Variants in TRMT1 observed in about 807,000 individuals in gnomAD.
TRMT1 encodes tRNA methyltransferase 1.
A neutral mutation model predicts 75.4 loss-of-function variants in TRMT1; 63 were observed. The ratio of observed to expected loss-of-function variants is 0.84; its 90% CI spans 0.68 to 1.03. The LOEUF (loss-of-function observed/expected upper bound fraction) is 1.03, where lower values mean the gene tolerates loss of function less well. TRMT1 is among the 50% of genes least tolerant of loss of function. The pLI is 0.00. For synonymous variants in TRMT1, 382 were observed against 358.1 expected (o/e 1.07, Z -0.75); for missense variants, 870 against 905.3 (o/e 0.96, Z 0.50).
rs911146601 is a variant in TRMT1, at chr19:13,105,624, G to A, written c.1584-18C>T. 6.2e-7 allele frequency: 1 copy of A among 1,605,660 alleles called. No homozygotes were observed. Among genetic ancestry groups the A allele is most frequent in the African/African-American group, 1.3e-5 (1 of 74,940 alleles). ...CCTGCAGCCTAGGGAAGCAGGGGTG[G>A]GGCGTTGGGGCTGGGGGAAGCTGCC... On this transcript the variant is annotated intron_variant, in intron 14 of 16. Transcript: ENST00000357720.
chr19:13,115,584 C>T lies in TRMT1; in HGVS notation c.453+42G>A, dbSNP rs200306604. Reference sequence around the variant, plus strand: ...CCCCCTCCAGGAGCCCTCTGTCTCCCGCTAAATTCCAGGGCTGCCAGCTCC... The same window carrying T: ...CCCCCTCCAGGAGCCCTCTGTCTCCTGCTAAATTCCAGGGCTGCCAGCTCC... On this transcript the variant is annotated intron_variant, in intron 4 of 16. Coordinates refer to ENST00000357720, the MANE Select transcript of TRMT1 (RefSeq NM_001136035.4). The T allele has an allele frequency of 1.0e-4, 166 of 1,611,466 alleles. 1 individual carries two copies. In the African/African-American group the frequency reaches 2.0e-3, roughly 19 times the overall value.
intron 1 of TRMT1, 45 bp downstream of exon 1, chr19:13,116,608 G>A: frequency 1.5e-6 from 1 of 688,434 alleles, no homozygotes; most frequent in South Asian, 2.0e-5. Flanking sequence ...GTGCAGGCCC[G>A]CCCCGAGTCC....
rs2145601695 is a variant in TRMT1 at position 13,116,278 on chromosome 19, G to A, written c.122C>T (p.Thr41Ile). 3 of 1,614,168 alleles carry A rather than the reference G, an allele frequency of 1.9e-6. No individual in the cohort carries two copies. Among genetic ancestry groups the A allele is most frequent in the Non-Finnish European group, 2.5e-6 (3 of 1,180,046 alleles). The change falls in exon 2 of 17, where the codon ACC becomes ATC. Residue 41 changes from threonine to isoleucine, a missense_variant. Thr to Ile is a moderately conservative substitution (Grantham distance 89, BLOSUM62 -1). Coordinates refer to ENST00000357720, the MANE Select transcript of TRMT1 (RefSeq NM_001136035.4). Reference protein sequence around the residue: ...LPNTAAMENGTGPYGEERPRE... With the variant: ...LPNTAAMENGIGPYGEERPRE... The stretch of plus-strand genomic sequence containing the variant: ...TGGACGTTCTTCTCCGTAGGGCCCG[G>A]TGCCGTTCTCCATCGCTGCTGTATT...
chr19:13,111,868 T>A (rs1449063300), intron 7 of TRMT1, among the ~76,000 whole-genome samples: 1 of 150,282 alleles, frequency 6.7e-6, no homozygotes, highest in Non-Finnish European at 1.5e-5. Context: ...CCTGGCTAAG[T>A]TTTTGTATGT....
chr19:13,112,644 A>C, intron 7 of TRMT1, 61 bp downstream of exon 7: 1 of 1,507,732 alleles, frequency 6.6e-7, no homozygotes, highest in Non-Finnish European at 9.1e-7. Flanking sequence ...TGTATTGGGA[A>C]GGGACTCAGA....
intron 14 of TRMT1, among the ~76,000 whole-genome samples, chr19:13,105,965 G>A (rs536143064): frequency 2.6e-5 from 4 of 152,256 alleles, no homozygotes; most frequent in South Asian, 2.1e-4. Flanking sequence ...GGGACGCTGA[G>A]GCAGGAGAAT....
rs2019031402 is a variant in TRMT1 at position 13,109,416 on chromosome 19, G to A, written c.1362C>T (p.Thr454=). 6.2e-7 allele frequency: 1 copy of A among 1,613,178 alleles called. No individual in the cohort carries two copies. Among genetic ancestry groups the A allele is most frequent in the African/African-American group, 1.3e-5 (1 of 74,844 alleles). ...GGAGGCTTGGTGTGTTGCAGTGGAT[G>A]GTGCTGCTCAGCTGGTCCAGGGTGT... ...LYYTLDQLSS[T]IHCNTPSLLQ... The change falls in exon 12 of 17, where the codon ACC becomes ACT. Residue 454 remains threonine, a synonymous_variant. Transcript: ENST00000357720.
At chr19:13,105,133 G>A (rs759174916) in intron 16 of TRMT1, 52 bp from the exon 17 acceptor site, 1 of 1,550,252 alleles carries the variant, frequency 6.5e-7, no homozygotes, top group South Asian at 1.2e-5. Flanking sequence ...AGCAGCCCCT[G>A]ATGGGATCCT....
In TRMT1 at chr19:13,109,440, G is replaced by A. The variant is rs757029217; in HGVS notation, c.1338C>T (p.Tyr446=). 105 of 1,613,626 alleles carry A rather than the reference G, an allele frequency of 6.5e-5. 1 individual carries two copies. Among genetic ancestry groups the A allele is most frequent in the Non-Finnish European group, 8.7e-5 (103 of 1,180,030 alleles). Residue 446 remains tyrosine (Y), a synonymous_variant, in exon 12 of 17, where the codon TAC becomes TAT. Coordinates refer to ENST00000357720, the MANE Select transcript of TRMT1 (RefSeq NM_001136035.4). ...TGGTGCTGCTCAGCTGGTCCAGGGT[G>A]TAGTACAGAGGCACGTCCGGGAGCT... ...TEELPDVPLY[Y]TLDQLSSTIH... is the part of the protein sequence containing the mutation.
Position 13,105,254 on chromosome 19 carries a change from G to A in TRMT1, c.1833+13C>T, listed in dbSNP as rs2018800390. 8 of 1,610,384 alleles carry A rather than the reference G, an allele frequency of 5.0e-6. No individual in the cohort carries two copies. Among genetic ancestry groups the A allele is most frequent in the South Asian group, 2.2e-5 (2 of 90,520 alleles). On this transcript the variant is annotated intron_variant, in intron 16 of 16. Transcript: ENST00000357720. The stretch of plus-strand genomic sequence containing the variant: ...TGTGTCCTGCAGTGGAGGAAAGGGA[G>A]GAGGGACCTCACCTCCTTAAACCTC...
Position 13,109,751 on chromosome 19 carries a change from C to A in TRMT1, c.1176+18G>T. The A allele has an allele frequency of 1.2e-6, 2 of 1,614,088 alleles. No individual in the cohort carries two copies. The highest frequency in any genetic ancestry group is 1.7e-6 in the Non-Finnish European group (2 of 1,180,006). On this transcript the variant is annotated intron_variant, in intron 10 of 16. Coordinates refer to ENST00000357720, the MANE Select transcript of TRMT1 (RefSeq NM_001136035.4). The stretch of plus-strand genomic sequence containing the variant: ...TCAAGACCCTCTTGCTCCTTTGCCT[C>A]CCCTGGCCTAGCCCTACCTGGTGTC...
At chr19:13,107,696 C>G (rs559223701) in intron 13 of TRMT1, 46 bp from the exon 14 acceptor site, 17 of 1,571,516 alleles carry the variant, frequency 1.1e-5, no homozygotes, top group South Asian at 5.8e-5. Flanking sequence ...CCCAAGGGAC[C>G]TCCAGGTGAC....
rs547812286 is a variant in TRMT1 at position 13,107,730 on chromosome 19, T to C, written c.1506+21A>G. ...ACCACCACCTGCCCTCCCACCTGCATGAGGTCAGCCCTGCCCTCACCCAGC... is the reference window on the plus strand; with the variant it reads ...ACCACCACCTGCCCTCCCACCTGCACGAGGTCAGCCCTGCCCTCACCCAGC... On this transcript the variant is annotated intron_variant, in intron 13 of 16. Coordinates refer to ENST00000357720, the MANE Select transcript of TRMT1 (RefSeq NM_001136035.4). 47 of 1,557,612 alleles carry C rather than the reference T, an allele frequency of 3.0e-5. No homozygotes were observed. The African/African-American group carries it at 4.6e-4, about 15-fold the overall frequency.
In TRMT1 at chr19:13,116,135, C is replaced by G; in HGVS notation, c.254+11G>C. 1 of 1,614,108 alleles carries G rather than the reference C, an allele frequency of 6.2e-7. No individual in the cohort carries two copies. Among genetic ancestry groups the G allele is most frequent in the Admixed American group, 1.7e-5 (1 of 60,024 alleles). On this transcript the variant is annotated intron_variant, in intron 2 of 16. Transcript: ENST00000357720. ...TAGCCGATGCCAGGCTAACGTCTGA[C>G]CCCTGCTCACGTCAGGTCCCGATTG...
intron 14 of TRMT1, 89 bp downstream of exon 14, chr19:13,107,485 G>A: frequency 7.0e-7 from 1 of 1,435,246 alleles, no homozygotes; most frequent in African/African-American, 1.4e-5. Context: ...GCACGAGTCT[G>A]TGTGGGGCAG....
rs150301777 is a variant in TRMT1, at chr19:13,110,136, C to T, written c.1019+22G>A. The T allele has an allele frequency of 2.8e-3, 4,558 of 1,611,414 alleles. 7 individuals carry two copies. The highest frequency in any genetic ancestry group is 3.6e-3 in the Non-Finnish European group (4,251 of 1,179,438). On this transcript the variant is annotated intron_variant, in intron 8 of 16. Transcript: ENST00000357720. ...CCTGTCTCCTCTCTCAATCCACCACCGCTCTCTGCCCCCGGGCTGACCTGG... is the reference window on the plus strand; with the variant it reads ...CCTGTCTCCTCTCTCAATCCACCACTGCTCTCTGCCCCCGGGCTGACCTGG...
intron 12 of TRMT1, among the ~76,000 whole-genome samples, chr19:13,109,085 G>GGTGTGTGTGTGTGTGTGTGTGTGTGT (rs57825932): frequency 2.6e-4 from 38 of 147,356 alleles, no homozygotes; most frequent in African/African-American, 9.4e-4. Context: ...CAGGCTAATG[G>GGTGTGTGTGTGTGTGTGTGTGTGTGT]GTGTGTGTGT....
chr19:13,106,159 C>T (rs1181790465), intron 14 of TRMT1, among the ~76,000 whole-genome samples: 6 of 151,454 alleles, frequency 4.0e-5, no homozygotes, highest in Non-Finnish European at 1.5e-5. Flanking sequence ...AACTCCTGGG[C>T]TTGAGCAACC....
rs1006351159 is a variant in TRMT1, at chr19:13,115,337, G to C, written c.583C>G (p.Arg195Gly). The change falls in exon 5 of 17, where the codon CGG becomes GGG. Residue 195 changes from arginine to glycine, a missense_variant. Transcript: ENST00000357720. The part of the protein sequence containing the change: ...ASTRAVDLIR[R>G]NVQLNDVAHL... ...GCCACGTCATTGAGCTGGACATTCC[G>C]GCGTATGAGATCCACAGCCCGGGTG... 2 of 1,613,930 alleles carry C rather than the reference G, an allele frequency of 1.2e-6. No homozygotes were observed. The highest frequency in any genetic ancestry group is 3.3e-5 in the Admixed American group (2 of 59,990).
Sources: allele counts gnomAD v4.1 joint callset (sites outside exome capture counted in the v4.1 genomes callset), GRCh38; gene constraint gnomAD v4.1.1; transcripts MANE v1.5; gene names NCBI Gene and HGNC (gene_info 2026-07-23, HGNC 2026-07-21).